The following ATP10D variants were observed in gnomAD, a reference collection of about 807,000 sequenced individuals.
ATP10D encodes the protein ATPase phospholipid transporting 10D (putative), also known as phospholipid-transporting ATPase VD.
A neutral mutation model predicts 144.8 loss-of-function variants in ATP10D; 89 were observed. The ratio of observed to expected loss-of-function variants is 0.61; its 90% CI spans 0.52 to 0.73. ATP10D has a LOEUF of 0.73. Ranked by LOEUF, ATP10D falls within the 30% of genes least tolerant of loss-of-function variation. The probability of loss-of-function intolerance (pLI) is 0.00; values close to 1 mark genes in which losing one functional copy is unlikely to be tolerated. For missense variants in ATP10D, 1,603 were observed against 1,714.8 expected (o/e 0.93, Z 1.15); for synonymous variants, 571 against 615.1 (o/e 0.93, Z 1.06).
intron 3 of ATP10D, 119 bp from the exon 4 acceptor site, chr4:47,522,893 A>G (rs1717017621): frequency 2.4e-6 from 2 of 847,270 alleles, no homozygotes; most frequent in Admixed American, 2.8e-5. Context: ...ATAGATTAAA[A>G]TTTACCCTAA....
intron 1 of ATP10D, among the ~76,000 whole-genome samples, chr4:47,493,559 G>A (rs1323589146): frequency 1.3e-5 from 2 of 152,070 alleles, no homozygotes; most frequent in Non-Finnish European, 2.9e-5. Flanking sequence ...GTAGGTTAGT[G>A]TATGACATGC....
intron 1 of ATP10D, among the ~76,000 whole-genome samples, chr4:47,505,863 C>T (rs1479112025): frequency 2.0e-5 from 3 of 151,780 alleles, no homozygotes; most frequent in Non-Finnish European, 4.4e-5. Flanking sequence ...TCTTTTAGAC[C>T]AGTGAACTTG....
chr4:47,547,317 T>G (rs1411580450), intron 10 of ATP10D: 1 of 162,860 alleles, frequency 6.1e-6, no homozygotes, highest in Non-Finnish European at 1.4e-5. Flanking sequence ...AAACTTGTGG[T>G]TTTTCCCTAT....
At chr4:47,503,722 C>T (rs1380248301) in intron 1 of ATP10D, among the ~76,000 whole-genome samples, 1 of 151,784 alleles carries the variant, frequency 6.6e-6, no homozygotes, top group Non-Finnish European at 1.5e-5. Flanking sequence ...TATAGAAAGA[C>T]CCTGTCTCTA....
At chr4:47,502,789 T>C (rs998873750) in intron 1 of ATP10D, among the ~76,000 whole-genome samples, 4 of 151,830 alleles carry the variant, frequency 2.6e-5, no homozygotes, top group Non-Finnish European at 5.9e-5. Context: ...ACAGTAAGAA[T>C]GGGTAACTAG....
intron 17 of ATP10D, among the ~76,000 whole-genome samples, 178 bp from the exon 18 acceptor site, chr4:47,572,694 A>C (rs1335366254): frequency 2.0e-5 from 3 of 148,330 alleles, no homozygotes; most frequent in African/African-American, 7.5e-5. Context: ...ATGGTATTTT[A>C]GGCACAAAAT....
rs554035572 is a variant in ATP10D at position 47,577,951 on chromosome 4, G to A, written c.3567+978G>A. ...CAAATCCACTTCGGAAAGGAGGGTT[G>A]AGGGAGATTTTCAGTCAAAGTTTTT... On this transcript the variant is annotated intron_variant, in intron 19 of 22. Transcript: ENST00000273859. Among the ~76,000 whole-genome samples, 6 of 152,332 alleles carry A rather than the reference G, an allele frequency of 3.9e-5. No homozygotes were observed. In the South Asian group the frequency reaches 1.2e-3, roughly 32 times the overall value.
chr4:47,496,144 ACTTTC>A (rs1715352470), intron 1 of ATP10D, among the ~76,000 whole-genome samples: 1 of 137,594 alleles, frequency 7.3e-6, no homozygotes, highest in Non-Finnish European at 1.5e-5. Context: ...TTGTGTAGTG[ACTTTC>A]CTTTTTCTTT....
At chr4:47,493,388 C>G (rs890024982) in intron 1 of ATP10D, among the ~76,000 whole-genome samples, 9 of 152,164 alleles carry the variant, frequency 5.9e-5, no homozygotes, top group African/African-American at 2.2e-4. Flanking sequence ...CCCATACAAC[C>G]ATTCTGTCTT....
rs1483955829 is a variant in ATP10D at position 47,536,757 on chromosome 4, T to C, written c.1215T>C (p.Ser405=). The change falls in exon 9 of 23, where the codon AGT becomes AGC. Residue 405 remains serine (S), a synonymous_variant. Coordinates refer to ENST00000273859, the MANE Select transcript of ATP10D (RefSeq NM_020453.4). ...VKLGQIYFIQ[S]DVDFYNEKMD... ...TTGGACAAATATATTTCATTCAAAG[T>C]GATGTGGATTTCTACAATGAAAAAA... is the stretch of plus-strand genomic sequence containing the variant. 1.2e-6 allele frequency: 2 copies of C among 1,613,342 alleles called. No individual in the cohort carries two copies. The highest frequency in any genetic ancestry group is 1.7e-6 in the Non-Finnish European group (2 of 1,179,652).
intron 13 of ATP10D, 149 bp from the exon 14 acceptor site, chr4:47,560,800 G>A (rs543256106): frequency 9.0e-5 from 81 of 904,610 alleles, no homozygotes; most frequent in Admixed American, 3.7e-4. Flanking sequence ...TGTCCAGGTG[G>A]TGTGAGGATA....
At position 47,536,911 on chromosome 4, in the gene ATP10D, G is replaced by C; in HGVS notation, c.1369G>C (p.Gly457Arg). 6.2e-7 allele frequency: 1 copy of C among 1,610,720 alleles called. No homozygotes were observed. The highest frequency in any genetic ancestry group is 1.1e-5 in the South Asian group (1 of 90,198). ...GGTTTTTCGAAGATGTAGTGTGGCA[G>C]GATTTGATTACTGCCATGAAGAAAA... ...KMVFRRCSVA[G>R]FDYCHEENAR... Residue 457 changes from glycine to arginine, a missense_variant, in exon 9 of 23, where the codon GGA becomes CGA. Physicochemically the swap from Gly to Arg is moderately radical, Grantham distance 125. Coordinates refer to ENST00000273859, the MANE Select transcript of ATP10D (RefSeq NM_020453.4).
rs1338633489 is a variant in ATP10D, at chr4:47,515,337, T to C, written c.291-139T>C. ...TAATAAATAGTTCATTAAGATTCAT[T>C]GTATTCTGCTAGTTCTATATTCTGT... On this transcript the variant is annotated intron_variant, in intron 2 of 22. Coordinates refer to ENST00000273859, the MANE Select transcript of ATP10D (RefSeq NM_020453.4). 4.9e-6 allele frequency: 3 copies of C among 616,106 alleles called. No individual in the cohort carries two copies. The African/African-American group carries it at 5.5e-5, about 11-fold the overall frequency. The allele number at this position is 616,106 out of a possible 1,614,324, so 38.2% of individuals were successfully genotyped here.
At chr4:47,574,499 C>G (rs548739631) in intron 18 of ATP10D, among the ~76,000 whole-genome samples, 1 of 152,304 alleles carries the variant, frequency 6.6e-6, no homozygotes, top group Admixed American at 6.5e-5. Context: ...CCAGTGAAGA[C>G]TATGGATTCA....
At chr4:47,525,341 A>G (rs1336945215) in intron 4 of ATP10D, among the ~76,000 whole-genome samples, 7 of 152,084 alleles carry the variant, frequency 4.6e-5, no homozygotes, top group African/African-American at 1.7e-4. Context: ...CATTCCCATC[A>G]CCTGCAGATG....
intron 20 of ATP10D, 100 bp from the exon 21 acceptor site, chr4:47,581,860 G>T: frequency 1.1e-6 from 1 of 898,222 alleles, no homozygotes. Flanking sequence ...CAGGGACCTT[G>T]TAGAAGGGAT....
At chr4:47,579,494 G>GT (rs2109472607) in intron 19 of ATP10D, among the ~76,000 whole-genome samples, 1 of 152,318 alleles carries the variant, frequency 6.6e-6, no homozygotes, top group Non-Finnish European at 1.5e-5. Flanking sequence ...TTTTAGACTG[G>GT]TTTGGTGTGC....
intron 10 of ATP10D, 22 bp downstream of exon 10, chr4:47,546,884 G>T: frequency 6.4e-7 from 1 of 1,571,544 alleles, no homozygotes; most frequent in Non-Finnish European, 8.7e-7. Flanking sequence ...TGCATGACTA[G>T]AGTCTTGCAC....
chr4:47,534,901 A>T (rs1003140735), intron 5 of ATP10D, among the ~76,000 whole-genome samples: 1 of 152,146 alleles, frequency 6.6e-6, no homozygotes, highest in Non-Finnish European at 1.5e-5. Context: ...GCAAAGACAC[A>T]GAATCAACCC....
Sources: allele counts gnomAD v4.1 joint callset (sites outside exome capture counted in the v4.1 genomes callset), GRCh38; gene constraint gnomAD v4.1.1; transcripts MANE v1.5; gene names NCBI Gene and HGNC (gene_info 2026-07-23, HGNC 2026-07-21).